Variants in CACNA1D observed in about 807,000 individuals in gnomAD.
CACNA1D encodes the protein voltage-dependent L-type calcium channel subunit alpha-1D.
Under a neutral mutation model 257.1 loss-of-function variants are expected in CACNA1D, and 55 were observed. The ratio of observed to expected loss-of-function variants is 0.21; its 90% CI spans 0.17 to 0.27. CACNA1D has a LOEUF of 0.27. Ranked by LOEUF, CACNA1D falls within the 10% of genes least tolerant of loss-of-function variation. CACNA1D has a pLI of 1.00. For missense variants in CACNA1D, 1,876 were observed against 2,784.0 expected (o/e 0.67, Z 7.34); for synonymous variants, 980 against 1,014.9 (o/e 0.97, Z 0.65).
At chr3:53,738,509 GA>G (rs1265089746) in intron 20 of CACNA1D, among the ~76,000 whole-genome samples, 1 of 152,018 alleles carries the variant, frequency 6.6e-6, no homozygotes, top group Non-Finnish European at 1.5e-5. Flanking sequence ...GCAGTGTTTG[GA>G]AAAAAACAGC....
Position 53,808,159 on chromosome 3 carries a change from A to C in CACNA1D, c.5750-490A>C, listed in dbSNP as rs1375475839. On this transcript the variant is annotated intron_variant, in intron 45 of 47. Transcript: ENST00000350061. ...TGAGAACAGGCGAACGTTTAAAAGT[A>C]GTAAGTTCTCTTTGGGAGGCTGAGG... is the stretch of plus-strand genomic sequence containing the variant. 6 of 184,600 alleles carry C rather than the reference A, an allele frequency of 3.3e-5. No homozygotes were observed. The South Asian group carries it at 4.5e-4, about 14-fold the overall frequency. The allele number at this position is 184,600 out of a possible 1,614,324, so 11.4% of individuals were successfully genotyped here.
intron 3 of CACNA1D, among the ~76,000 whole-genome samples, chr3:53,551,032 T>C (rs1375643983): frequency 3.3e-5 from 5 of 152,214 alleles, no homozygotes; most frequent in Non-Finnish European, 5.9e-5. Flanking sequence ...AAGCTCCATT[T>C]TTGGGGTATT....
At chr3:53,692,760 AAGC>A (rs2094539531) in intron 8 of CACNA1D, among the ~76,000 whole-genome samples, 2 of 152,218 alleles carry the variant, frequency 1.3e-5, no homozygotes, top group Non-Finnish European at 2.9e-5. Context: ...ATGTCAATGA[AAGC>A]ATCAACAACC....
chr3:53,726,110 C>G (rs1314166390), intron 14 of CACNA1D, among the ~76,000 whole-genome samples: 1 of 152,184 alleles, frequency 6.6e-6, no homozygotes, highest in Non-Finnish European at 1.5e-5. Context: ...TGAGATGCAC[C>G]TTCTGACACA....
At chr3:53,661,689 G>T (rs2680653) in intron 5 of CACNA1D, among the ~76,000 whole-genome samples, 3,843 of 152,270 alleles carry the variant, frequency 0.025, 167 homozygotes, top group African/African-American at 0.087. Flanking sequence ...GGCTGTGTGC[G>T]TGTGTGCGTG....
rs2095531120 is a variant in CACNA1D at position 53,800,527 on chromosome 3, C to T, written c.5040+162C>T. 3 of 719,050 alleles carry T rather than the reference C, an allele frequency of 4.2e-6. No individual in the cohort carries two copies. In the South Asian group the frequency reaches 4.3e-5, roughly 10 times the overall value. The allele number at this position is 719,050 out of a possible 1,614,324, so 44.5% of individuals were successfully genotyped here. A position where few individuals can be genotyped will look rare whatever the true frequency, so the allele number is the denominator to read the frequency against. ...CACCCTCCCCCTCTTACAGACCCTCCCCAGGCATCAGCACCTCTTCTAGGG... is the reference window on the plus strand; with the variant it reads ...CACCCTCCCCCTCTTACAGACCCTCTCCAGGCATCAGCACCTCTTCTAGGG... On this transcript the variant is annotated intron_variant, in intron 41 of 47. Coordinates refer to ENST00000350061, the MANE Select transcript of CACNA1D (RefSeq NM_001128840.3). This position sits in a 1 kb window ranked among gnomAD's most constrained non-coding sequence, Gnocchi z 4.3.
chr3:53,591,236 T>C (rs2093299794), intron 3 of CACNA1D, among the ~76,000 whole-genome samples: 2 of 152,210 alleles, frequency 1.3e-5, no homozygotes, highest in Admixed American at 1.3e-4. Context: ...TCCTTTATAT[T>C]TTTAATTTTT....
At chr3:53,749,975 G>A (rs938184835) in intron 27 of CACNA1D, among the ~76,000 whole-genome samples, 5 of 152,192 alleles carry the variant, frequency 3.3e-5, no homozygotes, top group African/African-American at 7.2e-5. Context: ...TCTTCCCCTG[G>A]TAGCAGTAAC....
intron 3 of CACNA1D, among the ~76,000 whole-genome samples, chr3:53,548,339 G>A (rs1479536280): frequency 2.2e-5 from 3 of 137,000 alleles, no homozygotes; most frequent in Non-Finnish European, 4.7e-5. Flanking sequence ...TGTATCCATT[G>A]TAAGCAACAA....
chr3:53,781,819 G>T, intron 39 of CACNA1D, 152 bp downstream of exon 39: 1 of 691,978 alleles, frequency 1.4e-6, no homozygotes, highest in South Asian at 1.6e-5. Context: ...TGGCCATTTG[G>T]TGTGATTATT....
At chr3:53,765,168 G>A (rs1482094997) in intron 30 of CACNA1D, among the ~76,000 whole-genome samples, 1 of 152,188 alleles carries the variant, frequency 6.6e-6, no homozygotes, top group Non-Finnish European at 1.5e-5. Context: ...TTAACCTCTG[G>A]TGTAAATACA....
At chr3:53,761,430 C>T (rs915793145) in intron 29 of CACNA1D, among the ~76,000 whole-genome samples, 1 of 152,162 alleles carries the variant, frequency 6.6e-6, no homozygotes, top group Non-Finnish European at 1.5e-5. Flanking sequence ...CCGTCTGTGT[C>T]GTCTACACTG....
In CACNA1D at chr3:53,790,896, CTT is replaced by C; in HGVS notation, c.4923+3948_4923+3949del. 6 of 686,408 alleles carry C rather than the reference CTT, an allele frequency of 8.7e-6. No homozygotes were observed. In the South Asian group the frequency reaches 9.5e-5, roughly 11 times the overall value. The allele number at this position is 686,408 out of a possible 1,614,324, so 42.5% of individuals were successfully genotyped here. A position where few individuals can be genotyped will look rare whatever the true frequency, so the allele number is the denominator to read the frequency against. ...TTCTACCTGAAGCCATCAAAAGCCT[CTT>C]TTTAAATTTTTTTCTTTTTTTAATC... On this transcript the variant is annotated intron_variant, in intron 40 of 47. Coordinates refer to ENST00000350061, the MANE Select transcript of CACNA1D (RefSeq NM_001128840.3).
At chr3:53,710,632 A>T (rs1217456546) in intron 9 of CACNA1D, among the ~76,000 whole-genome samples, 3 of 152,146 alleles carry the variant, frequency 2.0e-5, no homozygotes, top group Non-Finnish European at 2.9e-5. Flanking sequence ...CTTTTTCCAA[A>T]ATAATGTGCC....
At position 53,803,253 on chromosome 3, in the gene CACNA1D, C is replaced by T. The variant is rs182329278; in HGVS notation, c.5436-170C>T. 1.0e-3 allele frequency among the ~76,000 whole-genome samples: 158 copies of T among 152,360 alleles called. 1 individual carries two copies. The highest frequency in any genetic ancestry group is 3.7e-3 in the African/African-American group (154 of 41,582). On this transcript the variant is annotated intron_variant, in intron 43 of 47. Transcript: ENST00000350061. Reference sequence around the variant, plus strand: ...GGCACACCACACACACAGACACACACACGGTGCTGTTGCCAGAAGCCGGAA... The same window carrying T: ...GGCACACCACACACACAGACACACATACGGTGCTGTTGCCAGAAGCCGGAA...
intron 8 of CACNA1D, among the ~76,000 whole-genome samples, chr3:53,678,613 C>A (rs990003240): frequency 3.3e-5 from 5 of 152,166 alleles, no homozygotes; most frequent in African/African-American, 1.2e-4. Flanking sequence ...TCCTACATCC[C>A]ATTCTGGCTA....
At chr3:53,783,853 C>G (rs2095438940) in intron 39 of CACNA1D, among the ~76,000 whole-genome samples, 1 of 152,224 alleles carries the variant, frequency 6.6e-6, no homozygotes, top group South Asian at 2.1e-4. Context: ...ATGTGGAGTT[C>G]TTGAGGCTGA....
intron 20 of CACNA1D, among the ~76,000 whole-genome samples, chr3:53,738,702 T>C (rs1436657799): frequency 1.3e-5 from 2 of 152,206 alleles, no homozygotes; most frequent in Non-Finnish European, 2.9e-5. Flanking sequence ...GTATGAGTAT[T>C]GCTTTTTAGA....
intron 3 of CACNA1D, among the ~76,000 whole-genome samples, chr3:53,574,978 T>C (rs2093011172): frequency 6.6e-6 from 1 of 152,326 alleles, no homozygotes; most frequent in Admixed American, 6.5e-5. Flanking sequence ...CAAAACCTCA[T>C]TGAGGTCTTG....
Sources: allele counts gnomAD v4.1 joint callset (sites outside exome capture counted in the v4.1 genomes callset), GRCh38; gene constraint gnomAD v4.1.1; non-coding constraint Gnocchi (gnomAD v3.1); transcripts MANE v1.5; gene names NCBI Gene and HGNC (gene_info 2026-07-23, HGNC 2026-07-21).